Variants in CHMP2B observed in about 807,000 individuals in gnomAD.
CHMP2B encodes the protein VPS2 homolog B.
CHMP2B carries 22 observed loss-of-function variants against 29.8 expected under a neutral mutation model. That is an observed-to-expected ratio of 0.74 (90% CI 0.53 to 1.05). The LOEUF is 1.05. Ranked by LOEUF, CHMP2B falls within the 50% of genes least tolerant of loss-of-function variation. The pLI is 0.00. For synonymous variants in CHMP2B, 78 were observed against 75.8 expected, an observed-to-expected ratio of 1.03 and a Z score of -0.15; for missense variants, 261 against 252.2, an observed-to-expected ratio of 1.03 and a Z score of -0.24.
At chr3:87,245,629 G>A in intron 2 of CHMP2B, 85 bp from the exon 3 acceptor site, 5 of 1,079,090 alleles carry the variant, frequency 4.6e-6, no homozygotes, top group Non-Finnish European at 2.8e-6. Context: ...GGTCTGTTAT[G>A]TGTATTAGAT....
chr3:87,252,110 GACTGACT>G (rs1706322053), intron 4 of CHMP2B, among the ~76,000 whole-genome samples: 1 of 151,888 alleles, frequency 6.6e-6, no homozygotes, highest in Admixed American at 6.6e-5. Context: ...TACCCTAGAT[GACTGACT>G]ACCTTATGTG....
rs149513527 is a variant in CHMP2B, at chr3:87,231,961, T to A, written c.34+4405T>A. 1.7e-4 allele frequency among the ~76,000 whole-genome samples: 26 copies of A among 152,284 alleles called. No homozygotes were observed. In the East Asian group the frequency reaches 5.0e-3, roughly 29 times the overall value. On this transcript the variant is annotated intron_variant, in intron 1 of 5. Transcript: ENST00000263780. ...TATTCTGTCTCTTCTACATTCCATA[T>A]TTGTAAGGGGCTTCAGAGTCTTCAG...
intron 1 of CHMP2B, among the ~76,000 whole-genome samples, chr3:87,239,284 T>G (rs1483793737): frequency 2.8e-5 from 4 of 140,614 alleles, no homozygotes; most frequent in African/African-American, 9.7e-5. Flanking sequence ...AAGTCCAATT[T>G]ATCTTTTTTT....
chr3:87,245,966 C>A, intron 3 of CHMP2B, 58 bp downstream of exon 3: 1 of 1,409,136 alleles, frequency 7.1e-7, no homozygotes, highest in South Asian at 1.2e-5. Flanking sequence ...ATTTAAATAT[C>A]AATATTGAAA....
At chr3:87,249,764 T>G (rs576346626) in intron 3 of CHMP2B, 111 bp from the exon 4 acceptor site, 16 of 637,316 alleles carry the variant, frequency 2.5e-5, no homozygotes, top group Non-Finnish European at 4.5e-5. Context: ...TACGGCAGGA[T>G]GGATATCTTT....
intron 1 of CHMP2B, among the ~76,000 whole-genome samples, chr3:87,239,787 A>C (rs1031089716): frequency 1.3e-5 from 2 of 152,188 alleles, no homozygotes; most frequent in African/African-American, 4.8e-5. Context: ...GGATACTTGC[A>C]GTTATCAGAG....
intron 3 of CHMP2B, among the ~76,000 whole-genome samples, chr3:87,249,468 T>G (rs1706275268): frequency 6.6e-6 from 1 of 152,108 alleles, no homozygotes; most frequent in Non-Finnish European, 1.5e-5. Context: ...CTAGTATATC[T>G]TCTAATCTTT....
At chr3:87,243,500 T>C (rs975451565) in intron 2 of CHMP2B, among the ~76,000 whole-genome samples, 1 of 152,090 alleles carries the variant, frequency 6.6e-6, no homozygotes, top group Non-Finnish European at 1.5e-5. Flanking sequence ...GCTGGCCTAG[T>C]AATGCTGGCC....
intron 2 of CHMP2B, 86 bp downstream of exon 2, chr3:87,240,876 A>G (rs1311371597): frequency 1.1e-6 from 1 of 945,348 alleles, no homozygotes; most frequent in Non-Finnish European, 1.7e-6. Context: ...GGAAGAAGGC[A>G]CATGGCAGGT....
intron 1 of CHMP2B, among the ~76,000 whole-genome samples, chr3:87,237,720 A>ATACAATGCATACCCATGTATTAAACATTT (rs1706041000): frequency 6.6e-6 from 1 of 152,200 alleles, no homozygotes; most frequent in Non-Finnish European, 1.5e-5. Flanking sequence ...CATTCCCAGA[A>ATACAATGCATACCCATGTATTAAACATTT]GCCTTGAAGC....
chr3:87,238,003 T>C (rs1293610793), intron 1 of CHMP2B, among the ~76,000 whole-genome samples: 1 of 152,158 alleles, frequency 6.6e-6, no homozygotes, highest in African/African-American at 2.4e-5. Flanking sequence ...CAGTATAAAA[T>C]TGAGAAACAG....
intron 4 of CHMP2B, among the ~76,000 whole-genome samples, chr3:87,251,381 C>CA (rs529874216): frequency 1.3e-5 from 2 of 151,938 alleles, no homozygotes; most frequent in South Asian, 4.1e-4. Flanking sequence ...TTTCCAATGC[C>CA]AGTGATGGCA....
intron 4 of CHMP2B, 59 bp from the exon 5 acceptor site, chr3:87,253,345 A>G: frequency 1.0e-6 from 1 of 981,298 alleles, no homozygotes; most frequent in Non-Finnish European, 1.7e-6. Flanking sequence ...TAAATATGTA[A>G]GTCTAACCTG....
Position 87,255,190 on chromosome 3 carries a change from T to C in CHMP2B, c.*1368T>C, listed in dbSNP as rs747973849. 1 of 152,000 alleles carries C rather than the reference T, an allele frequency of 6.6e-6. No individual in the cohort carries two copies. Among genetic ancestry groups the C allele is most frequent in the Non-Finnish European group, 1.5e-5 (1 of 67,920 alleles). The allele number at this position is 152,000 out of a possible 1,614,324, so 9.4% of individuals were successfully genotyped here. On this transcript the variant is annotated 3_prime_UTR_variant, in exon 6 of 6. Coordinates refer to ENST00000263780, the MANE Select transcript of CHMP2B (RefSeq NM_014043.4). ...AAATACATCTTAGGACTAGTATACA[T>C]GTGACACGGATTGCTAGGAGGAATG...
At chr3:87,243,830 C>T (rs1706164164) in intron 2 of CHMP2B, among the ~76,000 whole-genome samples, 1 of 151,628 alleles carries the variant, frequency 6.6e-6, no homozygotes, top group Non-Finnish European at 1.5e-5. Context: ...AAGTGATGCC[C>T]TTCTTTGCAT....
In CHMP2B at chr3:87,253,716, C is replaced by T; in HGVS notation, c.536C>T (p.Ala179Val). Residue 179 changes from alanine to valine, a missense_variant, in exon 6 of 6, where the codon GCC becomes GTC. Coordinates refer to ENST00000263780, the MANE Select transcript of CHMP2B (RefSeq NM_014043.4). Reference protein sequence around the residue: ...EIGIEISGKMAKAPSAARSLP... With the variant: ...EIGIEISGKMVKAPSAARSLP... ...CTTTTTCATTGTTTAATATAGATGG[C>T]CAAAGCTCCATCAGCTGCTCGAAGC... The T allele has an allele frequency of 3.7e-6, 6 of 1,611,562 alleles. No individual in the cohort carries two copies. The highest frequency in any genetic ancestry group is 5.1e-6 in the Non-Finnish European group (6 of 1,178,108).
intron 1 of CHMP2B, among the ~76,000 whole-genome samples, chr3:87,230,035 G>C (rs1705878720): frequency 6.6e-6 from 1 of 152,094 alleles, no homozygotes; most frequent in Non-Finnish European, 1.5e-5. Flanking sequence ...GTACTACTTG[G>C]TTTTTCTTTT....
In CHMP2B at chr3:87,254,773, GTTTAAT is replaced by G. The variant is rs886058909; in HGVS notation, c.*955_*960del. On this transcript the variant is annotated 3_prime_UTR_variant, in exon 6 of 6. Coordinates refer to ENST00000263780, the MANE Select transcript of CHMP2B (RefSeq NM_014043.4). ...AATTATATGAATTATAATTTAAACT[GTTTAAT>G]TTTGTTTAATGTGTATATTGAATCT... 1 of 150,804 alleles carries G rather than the reference GTTTAAT, an allele frequency of 6.6e-6. No homozygotes were observed. The highest frequency in any genetic ancestry group is 1.5e-5 in the Non-Finnish European group (1 of 67,848). The allele number at this position is 150,804 out of a possible 1,614,324, so 9.3% of individuals were successfully genotyped here.
At chr3:87,230,365 G>A (rs963496676) in intron 1 of CHMP2B, among the ~76,000 whole-genome samples, 1 of 152,120 alleles carries the variant, frequency 6.6e-6, no homozygotes, top group African/African-American at 2.4e-5. Context: ...AATGAGAAAA[G>A]CAAAGGACTA....
Sources: allele counts gnomAD v4.1 joint callset (sites outside exome capture counted in the v4.1 genomes callset), GRCh38; gene constraint gnomAD v4.1.1; transcripts MANE v1.5; gene names NCBI Gene and HGNC (gene_info 2026-07-23, HGNC 2026-07-21).